Variants in AFAP1L2 observed in about 807,000 individuals in gnomAD.
AFAP1L2 encodes actin filament associated protein 1 like 2.
In AFAP1L2, 46 loss-of-function variants were observed where a neutral mutation model predicts 99.3. That is an observed-to-expected ratio of 0.46 (90% CI 0.37 to 0.59). The LOEUF (loss-of-function observed/expected upper bound fraction) is 0.59. AFAP1L2 is among the 20% of genes least tolerant of loss of function. The pLI is 0.00. For missense variants in AFAP1L2, 959 were observed against 1,034.9 expected, an observed-to-expected ratio of 0.93 and a Z score of 1.01; for synonymous variants, 397 against 419.1, an observed-to-expected ratio of 0.95 and a Z score of 0.64.
At chr10:114,374,748 C>T (rs147160878) in intron 1 of AFAP1L2, among the ~76,000 whole-genome samples, 96 of 150,742 alleles carry the variant, frequency 6.4e-4, no homozygotes, top group African/African-American at 2.1e-3. Flanking sequence ...AGGGGCCCAG[C>T]GCTGATGCTG....
Position 114,300,587 on chromosome 10 carries a change from C to T in AFAP1L2, c.1646G>A (p.Gly549Asp), listed in dbSNP as rs199589803. The T allele has an allele frequency of 3.1e-6, 5 of 1,614,122 alleles. No homozygotes were observed. In the Admixed American group the frequency reaches 6.7e-5, roughly 22 times the overall value. Residue 549 changes from glycine (G) to aspartate (D), a missense_variant, in exon 14 of 19, where the codon GGC (glycine) becomes GAC (aspartate). Around this residue, in one of 2 missense-constraint regions of AFAP1L2, gnomAD observed 576 missense variants for 562.1 expected, o/e 1.02. Transcript: ENST00000304129. ...GGCCTGGGCCTGTGCACTGCTGGGGCCATGCAGAAAGGACTTGACAGGTGT... is the reference window on the plus strand; with the variant it reads ...GGCCTGGGCCTGTGCACTGCTGGGGTCATGCAGAAAGGACTTGACAGGTGT... ...DLTPVKSFLH[G>D]PSSAQAQASS...
At chr10:114,317,815 T>C (rs115142765) in intron 5 of AFAP1L2, among the ~76,000 whole-genome samples, 4,667 of 152,218 alleles carry the variant, frequency 0.031, 221 homozygotes, top group African/African-American at 0.1. Context: ...ACTGAGATCG[T>C]GCCACTGGCA....
In AFAP1L2 at chr10:114,325,523, C is replaced by T. The variant is rs568539536; in HGVS notation, c.316-2262G>A. ...GCTCAGAACAGCCTTCAGCCCTCCT[C>T]TGGCATGTGGCACCCCCTACAAAGA... On this transcript the variant is annotated intron_variant, in intron 4 of 18. Coordinates refer to ENST00000304129, the MANE Select transcript of AFAP1L2 (RefSeq NM_001001936.3). Among the ~76,000 whole-genome samples the T allele has an allele frequency of 7.2e-5, 11 of 152,354 alleles. No homozygotes were observed. The East Asian group carries it at 1.7e-3, about 24-fold the overall frequency.
At chr10:114,281,949 G>C in the AFAP1L2 span, among the ~76,000 whole-genome samples, 2 of 151,610 alleles carry the variant, frequency 1.3e-5, no homozygotes, top group African/African-American at 2.4e-5. Context: ...ATAAAAAGCT[G>C]TTGCTACAGT....
chr10:114,363,185 G>A, intron 1 of AFAP1L2: 4 of 984,994 alleles, frequency 4.1e-6, no homozygotes, highest in Non-Finnish European at 4.8e-6. Flanking sequence ...GGGAATCAAG[G>A]AGAGGCAACT....
chr10:114,400,249 G>T (rs1188451158), intron 1 of AFAP1L2, among the ~76,000 whole-genome samples: 3 of 152,158 alleles, frequency 2.0e-5, no homozygotes, highest in African/African-American at 7.2e-5. Context: ...CCCTTTAATT[G>T]TGCTGGAAGC....
At chr10:114,399,595 C>A (rs1256158810) in intron 1 of AFAP1L2, among the ~76,000 whole-genome samples, 1 of 152,148 alleles carries the variant, frequency 6.6e-6, no homozygotes, top group Admixed American at 6.5e-5. Flanking sequence ...GCCTGTCTCT[C>A]AAATGGGAGT....
intron 7 of AFAP1L2, among the ~76,000 whole-genome samples, 171 bp from the exon 8 acceptor site, chr10:114,310,614 G>C (rs758591392): frequency 5.9e-5 from 9 of 152,232 alleles, no homozygotes; most frequent in Non-Finnish European, 1.2e-4. Context: ...CCTGCATGTG[G>C]CCTCAGACCC....
At chr10:114,313,795 CTATCATCCATCCCTT>C in intron 7 of AFAP1L2, 61 bp downstream of exon 7, 1 of 1,439,368 alleles carries the variant, frequency 6.9e-7, no homozygotes, top group Non-Finnish European at 9.3e-7. Flanking sequence ...ACCCCTGACC[CTATCATCCATCCCTT>C]TAGAAAAGCT....
intron 1 of AFAP1L2, among the ~76,000 whole-genome samples, chr10:114,345,205 GAACATGGAGCATCGAGGT>G: frequency 6.7e-6 from 1 of 149,560 alleles, no homozygotes; most frequent in Admixed American, 6.6e-5. Context: ...TGTATCGGGG[GAACATGGAGCATCGAGGT>G]GGGTGGGGGT....
chr10:114,369,611 A>AT (rs1469919860), intron 1 of AFAP1L2, among the ~76,000 whole-genome samples: 3 of 149,148 alleles, frequency 2.0e-5, no homozygotes, highest in Non-Finnish European at 4.4e-5. Flanking sequence ...AAAAAAAAAA[A>AT]AAAACTTTTT....
intron 11 of AFAP1L2, among the ~76,000 whole-genome samples, chr10:114,304,381 C>T (rs1564801668): frequency 1.3e-5 from 2 of 152,168 alleles, no homozygotes; most frequent in Admixed American, 1.3e-4. Context: ...TTTTTACGTA[C>T]TGGGCCTAGA....
At chr10:114,370,735 G>A (rs1011719385) in intron 1 of AFAP1L2, among the ~76,000 whole-genome samples, 11 of 152,166 alleles carry the variant, frequency 7.2e-5, no homozygotes, top group Non-Finnish European at 1.5e-5. Flanking sequence ...GTTCTCATTT[G>A]AACATCAATT....
chr10:114,305,397 G>C (rs1307476480), intron 10 of AFAP1L2, among the ~76,000 whole-genome samples: 33 of 131,388 alleles, frequency 2.5e-4, no homozygotes, highest in Non-Finnish European at 4.0e-4. Flanking sequence ...CTGCAGGAGG[G>C]GACGGCGCTG....
chr10:114,301,334 C>T lies in AFAP1L2; in HGVS notation c.1542+20G>A, dbSNP rs764977187. The T allele has an allele frequency of 6.3e-7, 1 of 1,595,174 alleles. No individual in the cohort carries two copies. Among genetic ancestry groups the T allele is most frequent in the South Asian group, 1.1e-5 (1 of 90,670 alleles). ...GGAGGGCCTGGAGAGGCCCAGGCCACTGCCTGGCCGGGTCCTTACCGCAGC... is the reference window on the plus strand; with the variant it reads ...GGAGGGCCTGGAGAGGCCCAGGCCATTGCCTGGCCGGGTCCTTACCGCAGC... On this transcript the variant is annotated intron_variant, in intron 13 of 18. Transcript: ENST00000304129.
chr10:114,307,992 A>T, intron 9 of AFAP1L2, 83 bp from the exon 10 acceptor site: 1 of 1,167,030 alleles, frequency 8.6e-7, no homozygotes, highest in Non-Finnish European at 1.3e-6. Context: ...TAGCAAACCC[A>T]TTTCCACTCC....
chr10:114,370,216 A>G (rs2053908802), intron 1 of AFAP1L2, among the ~76,000 whole-genome samples: 1 of 152,236 alleles, frequency 6.6e-6, no homozygotes, highest in African/African-American at 2.4e-5. Context: ...AAGACTGAGG[A>G]GCTCATAATT....
intron 1 of AFAP1L2, among the ~76,000 whole-genome samples, chr10:114,388,484 T>C (rs544615421): frequency 6.6e-6 from 1 of 152,286 alleles, no homozygotes; most frequent in South Asian, 2.1e-4. Context: ...CATCCTGCTT[T>C]CTTTCTTCAC....
intron 1 of AFAP1L2, among the ~76,000 whole-genome samples, chr10:114,374,151 T>A (rs2054500331): frequency 6.6e-6 from 1 of 152,170 alleles, no homozygotes; most frequent in Non-Finnish European, 1.5e-5. Context: ...CTTGGGAGGA[T>A]GTTTTGTCGG....
Sources: allele counts gnomAD v4.1 joint callset (sites outside exome capture counted in the v4.1 genomes callset), GRCh38; gene constraint gnomAD v4.1.1; regional missense constraint gnomAD v4.1.1; transcripts MANE v1.5; gene names NCBI Gene and HGNC (gene_info 2026-07-23, HGNC 2026-07-21).